Variants in SMUG1 observed in about 807,000 individuals in gnomAD.
SMUG1 encodes single-strand-selective monofunctional uracil-DNA glycosylase 1.
Under a neutral mutation model 23.9 loss-of-function variants are expected in SMUG1, and 13 were observed. The observed-to-expected ratio is 0.54, with a 90% CI of 0.35 to 0.86. The LOEUF is 0.86. Ranked by LOEUF, SMUG1 falls within the 40% of genes least tolerant of loss-of-function variation. The probability of loss-of-function intolerance (pLI) is 0.01; values close to 1 mark genes in which losing one functional copy is unlikely to be tolerated. For missense variants in SMUG1, 313 were observed against 339.5 expected, an observed-to-expected ratio of 0.92 and a Z score of 0.61; for synonymous variants, 133 against 139.8, an observed-to-expected ratio of 0.95 and a Z score of 0.34.
In SMUG1 at chr12:54,182,395, G is replaced by A; in HGVS notation, c.514C>T (p.Pro172Ser). 6.2e-7 allele frequency: 1 copy of A among 1,614,188 alleles called. No individual in the cohort carries two copies. Among genetic ancestry groups the A allele is most frequent in the Non-Finnish European group, 8.5e-7 (1 of 1,180,044 alleles). ...GCAGGAGTAAGGTTGCGCCCGCTGGGAGCCAGGAAAAGCAGAGGGCATAGA... is the reference window on the plus strand; with the variant it reads ...GCAGGAGTAAGGTTGCGCCCGCTGGAAGCCAGGAAAAGCAGAGGGCATAGA... ...HNLCPLLFLA[P>S]SGRNLTPAEL... The change falls in exon 4 of 4, where the codon CCC (proline) becomes TCC (serine). Residue 172 changes from proline to serine, a missense_variant. Pro to Ser is a moderately conservative substitution (Grantham distance 74). Coordinates refer to ENST00000682136, the MANE Select transcript of SMUG1 (RefSeq NM_001243787.2).
chr12:54,183,263 C>T (rs538780794), intron 3 of SMUG1: 229 of 341,336 alleles, frequency 6.7e-4, no homozygotes, highest in South Asian at 2.3e-3. Context: ...GTTCCCAGAA[C>T]GCCCTGCATC....
intron 3 of SMUG1, among the ~76,000 whole-genome samples, chr12:54,167,990 C>T (rs530296687): frequency 1.3e-5 from 2 of 152,308 alleles, no homozygotes; most frequent in Admixed American, 6.5e-5. Context: ...CTGTTCTCTG[C>T]CAAGTTTTCT....
downstream of SMUG1, among the ~76,000 whole-genome samples, chr12:54,175,851 T>G (rs1417117236): frequency 1.3e-5 from 2 of 151,972 alleles, no homozygotes; most frequent in Non-Finnish European, 2.9e-5. Context: ...AAAAGGAAAG[T>G]GAGACCACAC....
chr12:54,167,269 T>C, intron 3 of SMUG1, among the ~76,000 whole-genome samples: 1 of 152,256 alleles, frequency 6.6e-6, no homozygotes, highest in East Asian at 1.9e-4. Flanking sequence ...GGGCTTCTAG[T>C]CTAAAACAAA....
chr12:54,182,362 G>A lies in SMUG1; in HGVS notation c.547C>T (p.Pro183Ser), dbSNP rs1324885012. Residue 183 changes from proline (P) to serine (S), a missense_variant, in exon 4 of 4, where the codon CCT becomes TCT. By Grantham distance (74) the Pro-to-Ser change is moderately conservative (BLOSUM62 -1). Coordinates refer to ENST00000682136, the MANE Select transcript of SMUG1 (RefSeq NM_001243787.2). The part of the protein sequence containing the change: ...SGRNLTPAEL[P>S]AKQREQLLGI... ...AGAAGCTGTTCTCGCTGCTTGGCAG[G>A]CAGCTCAGCAGGAGTAAGGTTGCGC... 15 of 1,614,062 alleles carry A rather than the reference G, an allele frequency of 9.3e-6. No homozygotes were observed. The highest frequency in any genetic ancestry group is 1.3e-5 in the Non-Finnish European group (15 of 1,180,050).
chr12:54,172,192 T>C (rs1940638220), intron 2 of SMUG1: 2 of 427,178 alleles, frequency 4.7e-6, no homozygotes, highest in Admixed American at 4.7e-5. Context: ...GTGTGAGTTT[T>C]ACTGTAACTT....
At position 54,182,183 on chromosome 12, in the gene SMUG1, G is replaced by A; in HGVS notation, c.726C>T (p.Pro242=). 1 of 1,610,548 alleles carries A rather than the reference G, an allele frequency of 6.2e-7. No homozygotes were observed. The highest frequency in any genetic ancestry group is 1.1e-5 in the South Asian group (1 of 90,750). ...VQVEGLLHPS[P]RNPQANKGWE... ...AGCCCTTGTTGGCCTGTGGGTTACG[G>A]GGAGAGGGATGCAGGAGCCCTTCCA... Residue 242 remains proline (P), a synonymous_variant, in exon 4 of 4, where the codon CCC becomes CCT. Transcript: ENST00000682136.
At chr12:54,175,612 G>A (rs1940732697), downstream of SMUG1, among the ~76,000 whole-genome samples, 1 of 152,210 alleles carries the variant, frequency 6.6e-6, no homozygotes, top group Non-Finnish European at 1.5e-5. Flanking sequence ...CAGACTCTGA[G>A]GGCTAATCAC....
chr12:54,186,146 G>A (rs1187668676), intron 2 of SMUG1, among the ~76,000 whole-genome samples: 1 of 152,136 alleles, frequency 6.6e-6, no homozygotes, highest in Non-Finnish European at 1.5e-5. Flanking sequence ...CAGTCATCCA[G>A]TCAACTAGGA....
chr12:54,181,490 T>C lies in SMUG1; in HGVS notation c.*606A>G. The C allele has an allele frequency of 6.9e-7, 1 of 1,441,358 alleles. No homozygotes were observed. Among genetic ancestry groups the C allele is most frequent in the Non-Finnish European group, 9.4e-7 (1 of 1,060,944 alleles). 89.3% of individuals were successfully genotyped at this position (1,441,358 alleles called of 1,614,324 possible). On this transcript the variant is annotated 3_prime_UTR_variant, in exon 4 of 4. Transcript: ENST00000682136. Reference sequence around the variant, plus strand: ...GGAGCCTGAGGCATAGAGAGGTTTATTAATTTGTCAATCAAAAAGTTCCAA... The same window carrying C: ...GGAGCCTGAGGCATAGAGAGGTTTACTAATTTGTCAATCAAAAAGTTCCAA...
At chr12:54,184,901 T>C (rs1032158925) in intron 2 of SMUG1, among the ~76,000 whole-genome samples, 4 of 152,200 alleles carry the variant, frequency 2.6e-5, no homozygotes, top group Admixed American at 6.5e-5. Flanking sequence ...TGGTGGCTCA[T>C]GCCTGTAATC....
At chr12:54,167,251 G>A (rs1482402807) in intron 3 of SMUG1, among the ~76,000 whole-genome samples, 1 of 152,168 alleles carries the variant, frequency 6.6e-6, no homozygotes, top group East Asian at 1.9e-4. Context: ...GGCATAGTTT[G>A]TTATCAGGGG....
downstream of SMUG1, among the ~76,000 whole-genome samples, chr12:54,178,127 C>A (rs1410380527): frequency 4.6e-5 from 7 of 152,274 alleles, no homozygotes; most frequent in African/African-American, 1.7e-4. Flanking sequence ...TAAGGAGAGG[C>A]CTCAGGAAAG....
chr12:54,169,487 G>T (rs1940561784), intron 3 of SMUG1, among the ~76,000 whole-genome samples: 1 of 147,872 alleles, frequency 6.8e-6, no homozygotes, highest in African/African-American at 2.5e-5. Context: ...AAGGTGATCT[G>T]TCTGTCAGCA....
downstream of SMUG1, among the ~76,000 whole-genome samples, chr12:54,179,460 ATC>A (rs1379944568): frequency 2.0e-5 from 3 of 152,122 alleles, no homozygotes; most frequent in Non-Finnish European, 4.4e-5. Flanking sequence ...GATGGCTTCT[ATC>A]TCTGTGCAGT....
At chr12:54,166,067 A>G (rs1940451625) in intron 3 of SMUG1, among the ~76,000 whole-genome samples, 1 of 152,254 alleles carries the variant, frequency 6.6e-6, no homozygotes, top group African/African-American at 2.4e-5. Flanking sequence ...TGAGGAATAT[A>G]AAAGTTGGAG....
intron 3 of SMUG1, among the ~76,000 whole-genome samples, chr12:54,170,028 G>A (rs752434848): frequency 1.3e-5 from 2 of 152,038 alleles, no homozygotes; most frequent in Non-Finnish European, 2.9e-5. Flanking sequence ...GAGAAACCCC[G>A]TCTCTACTAA....
chr12:54,176,517 A>ATCCCCC (rs1247915453), downstream of SMUG1, among the ~76,000 whole-genome samples: 10 of 74,900 alleles, frequency 1.3e-4, 2 homozygotes, highest in Non-Finnish European at 2.0e-4. Flanking sequence ...TCCCCCCCCA[A>ATCCCCC]AAAAAAAGGC....
At chr12:54,185,487 AAT>A (rs1942180019) in intron 2 of SMUG1, among the ~76,000 whole-genome samples, 4 of 29,052 alleles carry the variant, frequency 1.4e-4, no homozygotes, top group African/African-American at 4.5e-4. Flanking sequence ...TAAAATAAAA[AAT>A]AAATAAATAA....
Sources: allele counts gnomAD v4.1 joint callset (sites outside exome capture counted in the v4.1 genomes callset), GRCh38; gene constraint gnomAD v4.1.1; transcripts MANE v1.5; gene names NCBI Gene and HGNC (gene_info 2026-07-23, HGNC 2026-07-21).